Variants in C12orf42 observed in about 807,000 individuals in gnomAD.
The protein encoded by C12orf42 is chromosome 12 open reading frame 42, also known as uncharacterized protein C12orf42.
Under a neutral mutation model 21.6 loss-of-function variants are expected in C12orf42, and 25 were observed. The ratio of observed to expected loss-of-function variants is 1.16; its 90% CI spans 0.84 to 1.62. The LOEUF is 1.62. Ranked by LOEUF, C12orf42 falls within the 40% of genes most tolerant of loss-of-function variation. The pLI is 0.00. For missense variants in C12orf42, 483 were observed against 459.3 expected, an observed-to-expected ratio of 1.05 and a Z score of -0.47; for synonymous variants, 174 against 175.0, an observed-to-expected ratio of 0.99 and a Z score of 0.05.
At chr12:103,139,155 C>T in the C12orf42 span, among the ~76,000 whole-genome samples, 1 of 152,182 alleles carries the variant, frequency 6.6e-6, no homozygotes, top group Non-Finnish European at 1.5e-5. Flanking sequence ...CTAGCCCAAG[C>T]TCTGCCCTTT....
At chr12:103,416,384 C>T (rs575146261) in intron 2 of C12orf42, among the ~76,000 whole-genome samples, 91 of 151,966 alleles carry the variant, frequency 6.0e-4, no homozygotes, top group Non-Finnish European at 1.0e-3. Flanking sequence ...CAGAGCTCAA[C>T]ATATTGGAAA....
At chr12:103,421,617 A>G (rs934206148) in intron 2 of C12orf42, among the ~76,000 whole-genome samples, 10 of 136,930 alleles carry the variant, frequency 7.3e-5, no homozygotes, top group Non-Finnish European at 1.5e-4. Context: ...ATAAATAAAT[A>G]AATATCAGCA....
chr12:103,071,068 A>G, the C12orf42 span, among the ~76,000 whole-genome samples: 1 of 152,150 alleles, frequency 6.6e-6, no homozygotes. Context: ...CCAACTCATT[A>G]GGAAACAATC....
chr12:103,354,851 C>G (rs1380670816), intron 4 of C12orf42, among the ~76,000 whole-genome samples: 3 of 151,956 alleles, frequency 2.0e-5, no homozygotes, highest in Admixed American at 6.6e-5. Context: ...AACCACCATG[C>G]CTGGCCTATG....
At chr12:103,171,040 G>C in the C12orf42 span, among the ~76,000 whole-genome samples, 1 of 151,978 alleles carries the variant, frequency 6.6e-6, no homozygotes, top group Non-Finnish European at 1.5e-5. Flanking sequence ...ATAGATTTCT[G>C]TACTGTTTCT....
In C12orf42 at chr12:103,419,106, C is replaced by T. The variant is rs138328568; in HGVS notation, c.79-17431G>A. 4.0e-4 allele frequency among the ~76,000 whole-genome samples: 61 copies of T among 152,114 alleles called. No homozygotes were observed. In the East Asian group the frequency reaches 6.0e-3, roughly 15 times the overall value. On this transcript the variant is annotated intron_variant, in intron 2 of 5. Transcript: ENST00000548883. Reference sequence around the variant, plus strand: ...ATGAGGTAAGGCAGGAAGAGCTGCACGTACAAATGCTATCATCTTTCAATG... The same window carrying T: ...ATGAGGTAAGGCAGGAAGAGCTGCATGTACAAATGCTATCATCTTTCAATG...
chr12:103,109,438 G>A, the C12orf42 span, among the ~76,000 whole-genome samples: 57 of 152,214 alleles, frequency 3.7e-4, no homozygotes, highest in African/African-American at 1.3e-3. Context: ...TGGAGAGTGA[G>A]AGGCGGTGGT....
chr12:103,499,734 TCAC>T (rs937171778), upstream of C12orf42, among the ~76,000 whole-genome samples: 6 of 152,194 alleles, frequency 3.9e-5, no homozygotes, highest in African/African-American at 1.2e-4. Context: ...GCCCACAGTC[TCAC>T]CATCCAGCCA....
intron 2 of C12orf42, among the ~76,000 whole-genome samples, chr12:103,432,855 C>T (rs542697377): frequency 6.6e-5 from 10 of 152,282 alleles, no homozygotes; most frequent in African/African-American, 2.2e-4. Context: ...AGGAATCAAA[C>T]CTGCCAGCAC....
intron 2 of C12orf42, among the ~76,000 whole-genome samples, chr12:103,418,461 G>A (rs2049564845): frequency 6.6e-6 from 1 of 152,078 alleles, no homozygotes; most frequent in Non-Finnish European, 1.5e-5. Flanking sequence ...AGTTATGTCA[G>A]GGCAAAAATA....
intron 4 of C12orf42, among the ~76,000 whole-genome samples, chr12:103,338,983 TAA>T (rs1256024966): frequency 6.6e-6 from 1 of 152,176 alleles, no homozygotes; most frequent in African/African-American, 2.4e-5. Flanking sequence ...TACATTTTTA[TAA>T]AAAAGCAGCC....
At chr12:103,262,125 C>T (rs1052896998) in intron 10 of C12orf42, 2 of 152,166 alleles carry the variant, frequency 1.3e-5, no homozygotes, top group Non-Finnish European at 2.9e-5. Flanking sequence ...AATAGTGCTA[C>T]TTTAATTAAG....
At chr12:103,518,430 A>C in the C12orf42 span, among the ~76,000 whole-genome samples, 1 of 152,152 alleles carries the variant, frequency 6.6e-6, no homozygotes, top group African/African-American at 2.4e-5. Flanking sequence ...CCCCAGATGA[A>C]GTGGACACCA....
intron 2 of C12orf42, among the ~76,000 whole-genome samples, chr12:103,432,575 G>A (rs141380571): frequency 2.1e-3 from 327 of 152,344 alleles, no homozygotes; most frequent in African/African-American, 7.8e-3. Context: ...GAGATAGTAT[G>A]TAATGCTCTT....
chr12:103,470,407 A>T (rs1953499346), intron 2 of C12orf42, among the ~76,000 whole-genome samples: 1 of 151,822 alleles, frequency 6.6e-6, no homozygotes, highest in Admixed American at 6.6e-5. Flanking sequence ...AATATAAATG[A>T]CTCCTCGTGG....
intron 4 of C12orf42, among the ~76,000 whole-genome samples, chr12:103,287,868 TG>T (rs1352402483): frequency 6.6e-6 from 1 of 152,054 alleles, no homozygotes; most frequent in Non-Finnish European, 1.5e-5. Flanking sequence ...GTGAAAGTTT[TG>T]TTACATTGCT....
chr12:103,048,215 G>A, the C12orf42 span, among the ~76,000 whole-genome samples: 1 of 151,060 alleles, frequency 6.6e-6, no homozygotes, highest in Non-Finnish European at 1.5e-5. Context: ...GGAAGGAGGG[G>A]AATAGTTCAT....
the C12orf42 span, among the ~76,000 whole-genome samples, chr12:103,190,208 G>A: frequency 2.0e-5 from 3 of 152,196 alleles, no homozygotes; most frequent in Non-Finnish European, 4.4e-5. Context: ...GGAGTCTAAT[G>A]TCCAAGGGCA....
Position 103,393,764 on chromosome 12 carries a change from C to A in C12orf42, c.147+7843G>T, listed in dbSNP as rs544371995. On this transcript the variant is annotated intron_variant, in intron 3 of 5. Transcript: ENST00000548883. ...TATTGAATGAATGAAACACCTAATACTTATTAATTTAACCCAGACAACAAT... is the reference window on the plus strand; with the variant it reads ...TATTGAATGAATGAAACACCTAATAATTATTAATTTAACCCAGACAACAAT... 3.0e-4 allele frequency among the ~76,000 whole-genome samples: 45 copies of A among 152,278 alleles called. No homozygotes were observed. In the South Asian group the frequency reaches 7.7e-3, roughly 26 times the overall value.
Sources: gnomAD v4.1 joint callset for allele counts (sites outside exome capture counted in the v4.1 genomes callset) on GRCh38, gnomAD v4.1.1 for gene constraint, MANE v1.5 for transcripts, NCBI Gene and HGNC (gene_info 2026-07-23, HGNC 2026-07-21) for gene names.